The following ATAD2B variants were observed in gnomAD, a reference collection of about 807,000 sequenced individuals.
The protein encoded by ATAD2B is ATPase family AAA domain containing 2B, also known as ATPase family AAA domain-containing protein 2B.
ATAD2B carries 40 observed loss-of-function variants against 167.6 expected under a neutral mutation model. The ratio of observed to expected loss-of-function variants is 0.24; its 90% CI spans 0.19 to 0.31. ATAD2B has a LOEUF of 0.31. ATAD2B is among the 10% of genes least tolerant of loss of function. ATAD2B has a pLI of 1.00. For synonymous variants in ATAD2B, 579 were observed against 596.5 expected (o/e 0.97, Z 0.43); for missense variants, 1,242 against 1,757.2 (o/e 0.71, Z 5.24).
intron 1 of ATAD2B, among the ~76,000 whole-genome samples, chr2:23,900,356 C>A (rs75267227): frequency 0.039 from 5,883 of 152,214 alleles, 109 homozygotes; most frequent in South Asian, 0.046. Context: ...CATGAGCCAC[C>A]ACGCCCAGCT....
chr2:23,716,438 A>G, the ATAD2B span, among the ~76,000 whole-genome samples: 4 of 150,196 alleles, frequency 2.7e-5, no homozygotes, highest in South Asian at 2.1e-4. Context: ...GGGACCTTTC[A>G]TTGTTGTTGT....
intron 13 of ATAD2B, among the ~76,000 whole-genome samples, chr2:23,850,610 T>C (rs74397222): frequency 0.035 from 5,315 of 152,090 alleles, 106 homozygotes; most frequent in South Asian, 0.053. Context: ...GGCAAAATTA[T>C]GGAGATAGTA....
intron 22 of ATAD2B, among the ~76,000 whole-genome samples, chr2:23,770,888 G>A (rs1056983417): frequency 1.3e-5 from 2 of 152,190 alleles, no homozygotes; most frequent in African/African-American, 4.8e-5. Flanking sequence ...CTGGAATTCT[G>A]ATAGGATGGT....
chr2:23,823,437 T>G lies in ATAD2B; in HGVS notation c.1952A>C (p.Gln651Pro), dbSNP rs1687775877. The G allele has an allele frequency of 6.2e-7, 1 of 1,613,872 alleles. No individual in the cohort carries two copies. Among genetic ancestry groups the G allele is most frequent in the African/African-American group, 1.3e-5 (1 of 74,932 alleles). ...ATTCTGCATTGCATGGTAAAAATCT[T>G]GGGCACTAAGCACTATTGAGGAAAC... Reference protein sequence around the residue: ...LDVSSIVLSAQDFYHAMQNIV... With the variant: ...LDVSSIVLSAPDFYHAMQNIV... The change falls in exon 16 of 28, where the codon CAA (glutamine) becomes CCA (proline). Residue 651 changes from glutamine to proline, a missense_variant. Gln to Pro is a moderately conservative substitution (Grantham distance 76). Coordinates refer to ENST00000238789, the MANE Select transcript of ATAD2B (RefSeq NM_017552.4).
At chr2:23,839,586 A>G (rs1462292632) in intron 13 of ATAD2B, among the ~76,000 whole-genome samples, 1 of 152,128 alleles carries the variant, frequency 6.6e-6, no homozygotes, top group African/African-American at 2.4e-5. Context: ...TTTGAAATAA[A>G]ATCAATTTAG....
At chr2:23,775,580 G>T (rs888608660) in intron 22 of ATAD2B, among the ~76,000 whole-genome samples, 1 of 152,114 alleles carries the variant, frequency 6.6e-6, no homozygotes, top group Non-Finnish European at 1.5e-5. Context: ...ACATTTTCTT[G>T]TATGTTGCTT....
At chr2:23,739,793 T>C in the ATAD2B span, among the ~76,000 whole-genome samples, 1 of 152,078 alleles carries the variant, frequency 6.6e-6, no homozygotes, top group Non-Finnish European at 1.5e-5. Flanking sequence ...ACAAAATTGA[T>C]AGACCACTAG....
intron 8 of ATAD2B, chr2:23,872,728 A>AC: frequency 1.8e-6 from 2 of 1,084,110 alleles, no homozygotes; most frequent in South Asian, 2.5e-5. Flanking sequence ...GATCAGTCAG[A>AC]CCCCCATAGT....
rs1675329237 is a variant in ATAD2B at position 23,751,300 on chromosome 2, G to C, written c.*746C>G. 1 of 151,834 alleles carries C rather than the reference G, an allele frequency of 6.6e-6. No homozygotes were observed. The highest frequency in any genetic ancestry group is 2.4e-5 in the African/African-American group (1 of 41,336). The allele number at this position is 151,834 out of a possible 1,614,324, so 9.4% of individuals were successfully genotyped here. On this transcript the variant is annotated 3_prime_UTR_variant, in exon 28 of 28. Coordinates refer to ENST00000238789, the MANE Select transcript of ATAD2B (RefSeq NM_017552.4). ...TTTTAGTATATTATGTGGCTTACTG[G>C]GTGTCTTGATTGAGCTTTGAGAATA...
chr2:23,893,537 T>G (rs1006635327), intron 2 of ATAD2B, among the ~76,000 whole-genome samples: 3 of 151,890 alleles, frequency 2.0e-5, no homozygotes, highest in African/African-American at 7.2e-5. Flanking sequence ...TCCTTAAAAT[T>G]AAATTCTATT....
At chr2:23,860,949 C>A (rs1041656342) in intron 12 of ATAD2B, among the ~76,000 whole-genome samples, 11 of 151,828 alleles carry the variant, frequency 7.2e-5, no homozygotes, top group African/African-American at 2.7e-4. Flanking sequence ...CCAGCCCGGG[C>A]GACAAAAGCG....
At chr2:23,745,436 G>GGAAGGGAAGA (rs1313790676), downstream of ATAD2B, among the ~76,000 whole-genome samples, 5 of 144,622 alleles carry the variant, frequency 3.5e-5, no homozygotes, top group African/African-American at 1.3e-4. Flanking sequence ...GGAAGGGAAG[G>GGAAGGGAAGA]GAAGGGAAGG....
intron 13 of ATAD2B, among the ~76,000 whole-genome samples, chr2:23,855,338 T>C (rs770299251): frequency 1.2e-4 from 19 of 152,192 alleles, no homozygotes; most frequent in Admixed American, 2.6e-4. Flanking sequence ...CTCAATATTA[T>C]TGGATTAATA....
the ATAD2B span, among the ~76,000 whole-genome samples, chr2:23,727,664 G>C: frequency 6.6e-6 from 1 of 152,106 alleles, no homozygotes; most frequent in Admixed American, 6.5e-5. Flanking sequence ...AAGCAACCAA[G>C]ATATGCTTCA....
the ATAD2B span, chr2:23,703,394 T>C: frequency 9.0e-5 from 133 of 1,475,044 alleles, no homozygotes; most frequent in Non-Finnish European, 8.9e-5. Flanking sequence ...GAACCAGCGG[T>C]GTCCTCAGCC....
chr2:23,786,274 C>A, intron 20 of ATAD2B, 51 bp from the exon 21 acceptor site: 1 of 1,398,980 alleles, frequency 7.1e-7, no homozygotes, highest in Non-Finnish European at 9.6e-7. Context: ...GGGCCAGGAC[C>A]CTTTTTTGGC....
At chr2:23,857,122 T>C (rs745360069) in intron 13 of ATAD2B, among the ~76,000 whole-genome samples, 9 of 152,190 alleles carry the variant, frequency 5.9e-5, no homozygotes, top group Admixed American at 2.6e-4. Flanking sequence ...GGTCTCTCTA[T>C]CACAGCTGCT....
downstream of ATAD2B, among the ~76,000 whole-genome samples, chr2:23,745,101 C>T (rs1420965021): frequency 6.6e-6 from 1 of 152,040 alleles, no homozygotes. Flanking sequence ...GCCTGGCCAA[C>T]ATGGTGAAAC....
chr2:23,876,791 G>T (rs1397473666), intron 7 of ATAD2B, among the ~76,000 whole-genome samples: 1 of 151,938 alleles, frequency 6.6e-6, no homozygotes, highest in Non-Finnish European at 1.5e-5. Context: ...ATTTTAGCTG[G>T]GTGCAATGGC....
Sources: gnomAD v4.1 joint callset for allele counts (sites outside exome capture counted in the v4.1 genomes callset) on GRCh38, gnomAD v4.1.1 for gene constraint, MANE v1.5 for transcripts, NCBI Gene and HGNC (gene_info 2026-07-23, HGNC 2026-07-21) for gene names.